CHCHD10: variants seen among roughly 807,000 people sequenced by gnomAD.
CHCHD10 encodes coiled-coil-helix-coiled-coil-helix domain-containing protein 10, mitochondrial.
A neutral mutation model predicts 14.8 loss-of-function variants in CHCHD10; 10 were observed. The ratio of observed to expected loss-of-function variants is 0.67; its 90% CI spans 0.42 to 1.14. The LOEUF is 1.14. Ranked by LOEUF, CHCHD10 falls within the 50% of genes most tolerant of loss-of-function variation. CHCHD10 has a pLI of 0.00. For missense variants in CHCHD10, 203 were observed against 196.9 expected, an observed-to-expected ratio of 1.03 and a Z score of -0.19; for synonymous variants, 90 against 85.2, an observed-to-expected ratio of 1.06 and a Z score of -0.31.
chr22:23,767,602 G>T lies in CHCHD10; in HGVS notation c.42-9C>A, dbSNP rs1392906115. On this transcript the variant is annotated splice_polypyrimidine_tract_variant and intron_variant, in intron 1 of 3. Coordinates refer to ENST00000484558, the MANE Select transcript of CHCHD10 (RefSeq NM_213720.3). ...AGGGCGCGGCTGGGCGGCTGCGGGG[G>T]TGGGAGGAAGCAGGGTTAATCCTGG... 199 of 1,132,378 alleles carry T rather than the reference G, an allele frequency of 1.8e-4. 5 individuals carry two copies. The highest frequency in any genetic ancestry group is 2.1e-4 in the Non-Finnish European group (182 of 857,710). 70.1% of individuals were successfully genotyped at this position (1,132,378 alleles called of 1,614,324 possible).
chr22:23,767,519 G>T lies in CHCHD10; in HGVS notation c.116C>A (p.Ser39Ter). Residue 39 changes from serine (S) to a stop codon, truncating the protein, a stop_gained, in exon 2 of 4, where the codon TCG becomes TAG. Coordinates refer to ENST00000484558, the MANE Select transcript of CHCHD10 (RefSeq NM_213720.3). LOFTEE classifies it high-confidence loss of function. ...CTGAGCCATGAGCCCCGGCTGGCCC[G>T]AAGGGGCGGGGGCTGGGGCGGCTGC... ...PSAAAPAPAP[S>*]GQPGLMAQMA... 6.6e-7 allele frequency: 1 copy of T among 1,507,058 alleles called. No homozygotes were observed. Among genetic ancestry groups the T allele is most frequent in the African/African-American group, 1.4e-5 (1 of 69,648 alleles). 93.4% of individuals were successfully genotyped at this position (1,507,058 alleles called of 1,614,324 possible).
Position 23,765,890 on chromosome 22 carries a change from G to A in CHCHD10, c.*117C>T, listed in dbSNP as rs1228598472. On this transcript the variant is annotated 3_prime_UTR_variant, in exon 4 of 4. Coordinates refer to ENST00000484558, the MANE Select transcript of CHCHD10 (RefSeq NM_213720.3). ...TTGTGTCTTGGGTTATCTGTGGGGT[G>A]AGAAACCTCCTCACTTCCAATCCCA... 3.8e-6 allele frequency: 6 copies of A among 1,575,574 alleles called. No homozygotes were observed. The East Asian group carries it at 9.0e-5, about 24-fold the overall frequency.
chr22:23,766,316 T>C, intron 2 of CHCHD10, 41 bp from the exon 3 acceptor site: 1 of 1,520,706 alleles, frequency 6.6e-7, no homozygotes, highest in Non-Finnish European at 8.8e-7. Context: ...CAGCTTGGAG[T>C]TGGCACCTGG....
At position 23,766,277 on chromosome 22, in the gene CHCHD10, TG is replaced by T. The variant is rs1433051854; in HGVS notation, c.262-3del. On this transcript the variant is annotated splice_region_variant and splice_polypyrimidine_tract_variant and intron_variant, in intron 2 of 3. Transcript: ENST00000484558. The stretch of plus-strand genomic sequence containing the variant: ...CTGGGGGGCAGCGGGGGTGGGGGCC[TG>T]GGGGTACAGTGCAAGAGGCTGCAGG... The T allele has an allele frequency of 1.3e-6, 2 of 1,544,918 alleles. No individual in the cohort carries two copies. Among genetic ancestry groups the T allele is most frequent in the East Asian group, 2.4e-5 (1 of 40,868 alleles).
intron 2 of CHCHD10, 72 bp downstream of exon 2, chr22:23,767,302 T>C (rs1252849523): frequency 7.6e-7 from 1 of 1,307,874 alleles, no homozygotes; most frequent in South Asian, 1.2e-5. Flanking sequence ...CACTCCTCAC[T>C]GGACACTTGG....
Position 23,767,952 on chromosome 22 carries a change from G to T in CHCHD10, c.-78C>A. ...CGCGGGGACAAATGCCGCAGCGCTT[G>T]TCACAGCCGGCGCAAAAAAGGCGGG... On this transcript the variant is annotated 5_prime_UTR_variant, in exon 1 of 4. Coordinates refer to ENST00000484558, the MANE Select transcript of CHCHD10 (RefSeq NM_213720.3). 2 of 1,252,454 alleles carry T rather than the reference G, an allele frequency of 1.6e-6. No homozygotes were observed. Among genetic ancestry groups the T allele is most frequent in the Non-Finnish European group, 2.1e-6 (2 of 949,248 alleles). 77.6% of individuals were successfully genotyped at this position (1,252,454 alleles called of 1,614,324 possible).
rs1274966901 is a variant in CHCHD10, at chr22:23,767,965, C to CA, written c.-92dup. 13 of 1,181,682 alleles carry CA rather than the reference C, an allele frequency of 1.1e-5. No individual in the cohort carries two copies. Among genetic ancestry groups the CA allele is most frequent in the East Asian group, 6.3e-5 (2 of 31,818 alleles). The allele number at this position is 1,181,682 out of a possible 1,614,324, so 73.2% of individuals were successfully genotyped here. A position where few individuals can be genotyped will look rare whatever the true frequency, so the allele number is the denominator to read the frequency against. On this transcript the variant is annotated 5_prime_UTR_variant, in exon 1 of 4. Coordinates refer to ENST00000484558, the MANE Select transcript of CHCHD10 (RefSeq NM_213720.3). ...GCCGCAGCGCTTGTCACAGCCGGCG[C>CA]AAAAAAGGCGGGGCCCCGGGCGGGG...
chr22:23,766,066 C>T, intron 3 of CHCHD10, 40 bp from the exon 4 acceptor site: 2 of 1,612,808 alleles, frequency 1.2e-6, no homozygotes, highest in Non-Finnish European at 1.7e-6. Flanking sequence ...GGTCAGCCTG[C>T]AGGTGCAAGA....
Position 23,766,230 on chromosome 22 carries a change from C to G in CHCHD10, c.307G>C (p.Ala103Pro), listed in dbSNP as rs562212051. Residue 103 changes from alanine (A) to proline (P), a missense_variant, in exon 3 of 4, where the codon GCC (alanine) becomes CCC (proline). Transcript: ENST00000484558. ...TCCAGGAACTGCCTGATCTCGTAGG[C>G]GCAGGGCCCCATCTGCAGGGGCTGG... ...APQPLQMGPC[A>P]YEIRQFLDCS... is the part of the protein sequence containing the mutation. 5.7e-6 allele frequency: 9 copies of G among 1,578,746 alleles called. No homozygotes were observed. The highest frequency in any genetic ancestry group is 1.1e-5 in the South Asian group (1 of 87,080).
chr22:23,767,241 G>C, intron 2 of CHCHD10, 133 bp downstream of exon 2: 1 of 745,372 alleles, frequency 1.3e-6, no homozygotes, highest in Non-Finnish European at 2.3e-6. Flanking sequence ...AGTGGACTAG[G>C]ACCCTTCCCG....
At chr22:23,766,424 C>T (rs149955095) in intron 2 of CHCHD10, 149 bp from the exon 3 acceptor site, 7,617 of 593,828 alleles carry the variant, frequency 0.013, 85 homozygotes, top group South Asian at 0.038. Context: ...GCAGCAGAGG[C>T]GGCTACAGAC....
chr22:23,765,954 G>A lies in CHCHD10; in HGVS notation c.*53C>T, dbSNP rs113889670. 2,079 of 1,612,428 alleles carry A rather than the reference G, an allele frequency of 1.3e-3. 28 individuals are homozygous for A. The African/African-American group carries it at 0.024, about 18-fold the overall frequency. ...AATCTGGTGTTGTGGTCTGGCTGTC[G>A]GCGAGGGGTAGAGGTGGGTGCAGGA... On this transcript the variant is annotated 3_prime_UTR_variant, in exon 4 of 4. Coordinates refer to ENST00000484558, the MANE Select transcript of CHCHD10 (RefSeq NM_213720.3).
At chr22:23,767,270 A>G in intron 2 of CHCHD10, 104 bp downstream of exon 2, 2 of 974,248 alleles carry the variant, frequency 2.1e-6, no homozygotes, top group Non-Finnish European at 3.2e-6. Flanking sequence ...CCTGGGCTGA[A>G]GCAATGGTGA....
intron 2 of CHCHD10, chr22:23,766,568 T>C: frequency 5.4e-6 from 2 of 370,612 alleles, no homozygotes; most frequent in East Asian, 5.0e-5. Context: ...TTGTCCTGCC[T>C]TGGCCTCCCA....
intron 2 of CHCHD10, 33 bp from the exon 3 acceptor site, chr22:23,766,308 G>C: frequency 6.5e-7 from 1 of 1,527,920 alleles, no homozygotes; most frequent in Non-Finnish European, 8.8e-7. Context: ...TGCAGGATCA[G>C]CTTGGAGTTG....
At chr22:23,767,766 G>A (rs1190344792) in intron 1 of CHCHD10, 68 bp downstream of exon 1, 88 of 1,336,220 alleles carry the variant, frequency 6.6e-5, no homozygotes, top group Non-Finnish European at 3.2e-5. Flanking sequence ...GTCACTCTGC[G>A]GACGCCCTTA....
At chr22:23,766,748 G>T (rs1399896724) in intron 2 of CHCHD10, among the ~76,000 whole-genome samples, 1 of 152,198 alleles carries the variant, frequency 6.6e-6, no homozygotes, top group East Asian at 1.9e-4. Context: ...CACTGCGCCT[G>T]GCCTCTGCTG....
Position 23,766,262 on chromosome 22 carries a change from GC to G in CHCHD10, c.274del (p.Ala92LeufsTer38). The G allele has an allele frequency of 1.3e-6, 2 of 1,486,376 alleles. No individual in the cohort carries two copies. The highest frequency in any genetic ancestry group is 9.1e-7 in the Non-Finnish European group (1 of 1,092,914). 92.1% of individuals were successfully genotyped at this position (1,486,376 alleles called of 1,614,324 possible). A position where few individuals can be genotyped will look rare whatever the true frequency, so the allele number is the denominator to read the frequency against. On this transcript the variant is annotated frameshift_variant, in exon 3 of 4. Transcript: ENST00000484558. LOFTEE classifies it high-confidence loss of function. ...QPAVQQAPTP[A>X]APQPLQMGPC... ...CCCCATCTGCAGGGGCTGGGGGGCA[GC>G]GGGGGTGGGGGCCTGGGGGTACAGT...
In CHCHD10 at chr22:23,765,962, G is replaced by T. The variant is rs547808142; in HGVS notation, c.*45C>A. The T allele has an allele frequency of 1.9e-5, 30 of 1,612,840 alleles. No homozygotes were observed. In the Admixed American group the frequency reaches 2.3e-4, roughly 13 times the overall value. On this transcript the variant is annotated 3_prime_UTR_variant, in exon 4 of 4. Coordinates refer to ENST00000484558, the MANE Select transcript of CHCHD10 (RefSeq NM_213720.3). ...GTTGTGGTCTGGCTGTCGGCGAGGGGTAGAGGTGGGTGCAGGACTGGCCCC... is the reference window on the plus strand; with the variant it reads ...GTTGTGGTCTGGCTGTCGGCGAGGGTTAGAGGTGGGTGCAGGACTGGCCCC...
Sources: allele counts gnomAD v4.1 joint callset (sites outside exome capture counted in the v4.1 genomes callset), GRCh38; gene constraint gnomAD v4.1.1; transcripts MANE v1.5; gene names NCBI Gene and HGNC (gene_info 2026-07-23, HGNC 2026-07-21).